Variants in ADCY9 observed in about 807,000 individuals in gnomAD.
The protein encoded by ADCY9 is adenylate cyclase type 9.
ADCY9 carries 50 observed loss-of-function variants against 101.5 expected under a neutral mutation model. The observed-to-expected ratio is 0.49, with a 90% CI of 0.39 to 0.62. ADCY9 has a LOEUF of 0.62. ADCY9 is among the 20% of genes least tolerant of loss of function. The pLI is 0.00. For synonymous variants in ADCY9, 905 were observed against 769.3 expected, an observed-to-expected ratio of 1.18 and a Z score of -2.92; for missense variants, 1,662 against 1,800.4, an observed-to-expected ratio of 0.92 and a Z score of 1.39.
chr16:4,095,543 T>C (rs113194780), intron 2 of ADCY9, among the ~76,000 whole-genome samples: 3 of 152,298 alleles, frequency 2.0e-5, no homozygotes, highest in African/African-American at 7.2e-5. Context: ...GTGAAATTCA[T>C]TTTACTGGCA....
chr16:4,004,370 G>A (rs565053880), intron 3 of ADCY9, among the ~76,000 whole-genome samples: 24 of 151,762 alleles, frequency 1.6e-4, no homozygotes, highest in South Asian at 1.0e-3. Context: ...CTGGTAGGTC[G>A]TTACAGTACA....
At position 4,103,409 on chromosome 16, in the gene ADCY9, A is replaced by C. The variant is rs113751145; in HGVS notation, c.1693+10341T>G. Among the ~76,000 whole-genome samples, 914 of 152,352 alleles carry C rather than the reference A, an allele frequency of 6.0e-3. 10 individuals are homozygous for C. The highest frequency in any genetic ancestry group is 0.021 in the African/African-American group (869 of 41,586). On this transcript the variant is annotated intron_variant, in intron 2 of 10. Transcript: ENST00000294016. ...GACACTTGCAGTGACAGTGCAGAAG[A>C]AGCCATGGGTGAAACTGCTAGTGCC...
chr16:4,109,414 A>C (rs1361473437), intron 2 of ADCY9, among the ~76,000 whole-genome samples: 1 of 152,212 alleles, frequency 6.6e-6, no homozygotes, highest in East Asian at 1.9e-4. Context: ...TTACGGCTGT[A>C]TTGCCAGAAC....
In ADCY9 at chr16:4,115,006, A is replaced by G. The variant is rs767211997; in HGVS notation, c.437T>C (p.Val146Ala). 6.2e-7 allele frequency: 1 copy of G among 1,614,122 alleles called. No individual in the cohort carries two copies. Among genetic ancestry groups the G allele is most frequent in the Admixed American group, 1.7e-5 (1 of 60,032 alleles). The change falls in exon 2 of 11, where the codon GTC (valine) becomes GCC (alanine). Residue 146 changes from valine to alanine, a missense_variant. Physicochemically the swap from Val to Ala is moderately conservative, Grantham distance 64. Transcript: ENST00000294016. This position sits in a 1 kb window ranked among gnomAD's most constrained non-coding sequence, Gnocchi z 6.2. ...VHMRSRLIVM[V>A]APALCFLLVC... ...CAGGAGGAAGCACAGCGCGGGGGCG[A>G]CCATGACGATCAGTCTGGATCTCAT...
At chr16:4,091,764 G>C (rs961779194) in intron 2 of ADCY9, among the ~76,000 whole-genome samples, 1 of 152,222 alleles carries the variant, frequency 6.6e-6, no homozygotes, top group African/African-American at 2.4e-5. Context: ...GGTAAATCCT[G>C]CAGATGCAAA....
rs267604542 is a variant in ADCY9 at position 3,966,645 on chromosome 16, G to A, written c.3192C>T (p.Ile1064=). Residue 1064 remains isoleucine (I), a synonymous_variant, in exon 11 of 11, where the codon ATC becomes ATT. Transcript: ENST00000294016. ...HDSGGVIFAS[I]VNFSEFYEEN... is the part of the protein sequence containing the mutation. Reference sequence around the variant, plus strand: ...CCTCGTAGAACTCGCTGAAGTTGACGATGCTGGCGAAGATCACCCCTCCGC... The same window carrying A: ...CCTCGTAGAACTCGCTGAAGTTGACAATGCTGGCGAAGATCACCCCTCCGC... The A allele has an allele frequency of 1.0e-4, 161 of 1,614,042 alleles. No individual in the cohort carries two copies. Among genetic ancestry groups the A allele is most frequent in the Middle Eastern group, 9.9e-4 (6 of 6,084 alleles).
intron 2 of ADCY9, among the ~76,000 whole-genome samples, chr16:4,086,951 C>G (rs1192289788): frequency 1.3e-5 from 2 of 152,072 alleles, no homozygotes; most frequent in Non-Finnish European, 2.9e-5. Flanking sequence ...TGAGCCACCA[C>G]GCCCAGCCCT....
rs555058089 is a variant in ADCY9 at position 4,018,799 on chromosome 16, C to T, written c.1694-11241G>A. Among the ~76,000 whole-genome samples, 53 of 152,198 alleles carry T rather than the reference C, an allele frequency of 3.5e-4. No individual in the cohort carries two copies. In the Middle Eastern group the frequency reaches 0.01, roughly 29 times the overall value. On this transcript the variant is annotated intron_variant, in intron 2 of 10. Coordinates refer to ENST00000294016, the MANE Select transcript of ADCY9 (RefSeq NM_001116.4). ...TTTACAGAGCACATGCAGACTTGTT[C>T]GAGTCATCTAACGGAGAAACCCAAA...
In ADCY9 at chr16:4,114,161, G is replaced by T; in HGVS notation, c.1282C>A (p.Arg428Ser). Reference protein sequence around the residue: ...LLNDLFGRFDRLCEETKCEKI... With the variant: ...LLNDLFGRFDSLCEETKCEKI... The stretch of plus-strand genomic sequence containing the variant: ...TCACACTTGGTCTCCTCACACAGGC[G>T]GTCGAAGCGACCGAACAGATCGTTC... Residue 428 changes from arginine to serine, a missense_variant, in exon 2 of 11, where the codon CGC becomes AGC. This residue lies in a region of ADCY9 where 228 missense variants were observed against 301.1 expected (regional missense o/e 0.76). Transcript: ENST00000294016. The surrounding 1 kb of genome is among the most constrained non-coding windows in gnomAD (Gnocchi z 4.3). The T allele has an allele frequency of 6.2e-7, 1 of 1,613,894 alleles. No individual in the cohort carries two copies. The highest frequency in any genetic ancestry group is 8.5e-7 in the Non-Finnish European group (1 of 1,180,040).
At chr16:4,037,379 T>A (rs1316675414) in intron 2 of ADCY9, among the ~76,000 whole-genome samples, 1 of 152,176 alleles carries the variant, frequency 6.6e-6, no homozygotes, top group Non-Finnish European at 1.5e-5. Flanking sequence ...CATGTTATTG[T>A]AAATAACAGG....
At chr16:4,080,193 A>G (rs1476368511) in intron 2 of ADCY9, among the ~76,000 whole-genome samples, 3 of 152,116 alleles carry the variant, frequency 2.0e-5, no homozygotes, top group Admixed American at 1.3e-4. Context: ...ACAAAGAAAA[A>G]AATTACCACC....
At chr16:3,995,139 A>C (rs536610570) in intron 3 of ADCY9, among the ~76,000 whole-genome samples, 93 of 152,304 alleles carry the variant, frequency 6.1e-4, no homozygotes, top group Middle Eastern at 3.4e-3. Context: ...TGTTGCTAAG[A>C]ATTAAATGAA....
intron 2 of ADCY9, among the ~76,000 whole-genome samples, chr16:4,047,202 A>G (rs2056670971): frequency 6.6e-6 from 1 of 152,326 alleles, no homozygotes; most frequent in East Asian, 1.9e-4. Flanking sequence ...GGATTTATAA[A>G]GTAAATAAAA....
chr16:3,961,555 G>A (rs75222619), downstream of ADCY9, among the ~76,000 whole-genome samples: 1,501 of 152,140 alleles, frequency 9.9e-3, 29 homozygotes, highest in African/African-American at 0.034. Flanking sequence ...CTGCAGTGGC[G>A]ACTCGGGAGG....
intron 10 of ADCY9, among the ~76,000 whole-genome samples, chr16:3,971,959 A>T (rs1567415971): frequency 6.6e-6 from 1 of 152,212 alleles, no homozygotes; most frequent in Non-Finnish European, 1.5e-5. Flanking sequence ...ACAGCAGCAC[A>T]TGGGCTAGTG....
chr16:3,963,302 C>T lies in ADCY9; in HGVS notation c.*2473G>A, dbSNP rs866326791. 57 of 398,614 alleles carry T rather than the reference C, an allele frequency of 1.4e-4. 1 individual carries two copies. The highest frequency in any genetic ancestry group is 1.2e-3 in the East Asian group (35 of 28,062). 24.7% of individuals were successfully genotyped at this position (398,614 alleles called of 1,614,324 possible). A position where few individuals can be genotyped will look rare whatever the true frequency, so the allele number is the denominator to read the frequency against. ...CACGACCCATGCCGTCAGCAGCCCT[C>T]GTGCCAGCTGCTTAGAAACTCGTGT... is the stretch of plus-strand genomic sequence containing the variant. On this transcript the variant is annotated 3_prime_UTR_variant, in exon 11 of 11. Transcript: ENST00000294016.
intron 2 of ADCY9, among the ~76,000 whole-genome samples, chr16:4,092,532 T>C (rs547478819): frequency 6.6e-6 from 1 of 152,370 alleles, no homozygotes; most frequent in East Asian, 1.9e-4. Flanking sequence ...TACAATCTAA[T>C]ATCTAATTTC....
intron 3 of ADCY9, among the ~76,000 whole-genome samples, chr16:4,004,580 G>T (rs188636254): frequency 8.5e-5 from 13 of 152,262 alleles, no homozygotes; most frequent in Admixed American, 7.2e-4. Flanking sequence ...TTTAATTAAA[G>T]AATTAAAAAG....
chr16:4,007,696 G>A (rs1175895483), intron 2 of ADCY9, 138 bp from the exon 3 acceptor site: 21 of 676,630 alleles, frequency 3.1e-5, no homozygotes, highest in East Asian at 1.7e-4. Flanking sequence ...CATAGTTTAC[G>A]ACGGACGTCC....
Sources: allele counts gnomAD v4.1 joint callset (sites outside exome capture counted in the v4.1 genomes callset), GRCh38; gene constraint gnomAD v4.1.1; regional missense constraint gnomAD v4.1.1; non-coding constraint Gnocchi (gnomAD v3.1); transcripts MANE v1.5; gene names NCBI Gene and HGNC (gene_info 2026-07-23, HGNC 2026-07-21).